The following PDE4B variants were observed in gnomAD, a reference collection of about 807,000 sequenced individuals.
The protein encoded by PDE4B is phosphodiesterase 4B.
Under a neutral mutation model 82.2 loss-of-function variants are expected in PDE4B, and 20 were observed. The observed-to-expected ratio is 0.24, with a 90% confidence interval of 0.17 to 0.35. The LOEUF (loss-of-function observed/expected upper bound fraction) is 0.35, where lower values mean the gene tolerates loss of function less well. Among genes scored for constraint, PDE4B ranks in the 10% least tolerant of loss-of-function variants. PDE4B has a pLI of 1.00. For missense variants in PDE4B, 655 were observed against 907.2 expected, an observed-to-expected ratio of 0.72 and a Z score of 3.57; for synonymous variants, 320 against 318.9, an observed-to-expected ratio of 1.00 and a Z score of -0.04.
intron 1 of PDE4B, among the ~76,000 whole-genome samples, chr1:65,847,027 T>C (rs972015974): frequency 6.6e-6 from 1 of 152,226 alleles, no homozygotes; most frequent in Non-Finnish European, 1.5e-5. Flanking sequence ...ACATTATCTG[T>C]TGTAGATTTA....
At chr1:65,907,028 G>A (rs1250879968) in intron 1 of PDE4B, among the ~76,000 whole-genome samples, 1 of 152,072 alleles carries the variant, frequency 6.6e-6, no homozygotes, top group Non-Finnish European at 1.5e-5. Flanking sequence ...TTCTCTCCAA[G>A]CAATGTTTGT....
chr1:66,099,634 A>G, intron 3 of PDE4B, among the ~76,000 whole-genome samples: 1 of 152,278 alleles, frequency 6.6e-6, no homozygotes, highest in African/African-American at 2.4e-5. Flanking sequence ...GATATTCAGT[A>G]AACTCTGATA....
chr1:66,149,567 A>G (rs1173541844), intron 3 of PDE4B, among the ~76,000 whole-genome samples: 2 of 152,176 alleles, frequency 1.3e-5, no homozygotes, highest in East Asian at 3.8e-4. Context: ...TTCTTCTGCA[A>G]CTTAAGGTTT....
At chr1:66,074,261 T>C (rs1019075558) in intron 3 of PDE4B, among the ~76,000 whole-genome samples, 7 of 152,148 alleles carry the variant, frequency 4.6e-5, no homozygotes, top group African/African-American at 1.7e-4. Context: ...AATTTAAGTA[T>C]TAATAATACC....
intron 3 of PDE4B, among the ~76,000 whole-genome samples, chr1:65,960,416 T>A (rs900222627): frequency 6.6e-6 from 1 of 152,094 alleles, no homozygotes; most frequent in African/African-American, 2.4e-5. Flanking sequence ...CTGAAATAGA[T>A]TGTCTGTGAT....
At chr1:65,925,611 T>A (rs1647456263) in intron 3 of PDE4B, among the ~76,000 whole-genome samples, 2 of 152,206 alleles carry the variant, frequency 1.3e-5, no homozygotes, top group Admixed American at 1.3e-4. Flanking sequence ...AATCACATAA[T>A]GTGTAATATT....
In PDE4B at chr1:65,913,337, T is replaced by G; in HGVS notation, c.23T>G (p.Met8Arg). Residue 8 changes from methionine (M) to arginine (R), a missense_variant, in exon 2 of 17, where the codon ATG becomes AGG. Met to Arg is a moderately conservative substitution (Grantham distance 91). This residue lies in a region of PDE4B where 253 missense variants were observed against 275.6 expected (regional missense o/e 0.92). Coordinates refer to ENST00000341517, the MANE Select transcript of PDE4B (RefSeq NM_002600.4). MKKSRSV[M>R]TVMADDNVKD... ...ATAATGAAGAAAAGCAGGAGTGTGA[T>G]GACGGTGATGGCTGATGATGTAAGT... is the stretch of plus-strand genomic sequence containing the variant. The G allele has an allele frequency of 1.2e-6, 2 of 1,613,774 alleles. No individual in the cohort carries two copies. Among genetic ancestry groups the G allele is most frequent in the Non-Finnish European group, 1.7e-6 (2 of 1,179,688 alleles).
At chr1:66,285,366 TA>T (rs1329961829) in intron 7 of PDE4B, among the ~76,000 whole-genome samples, 4 of 152,276 alleles carry the variant, frequency 2.6e-5, no homozygotes, top group Admixed American at 6.5e-5. Context: ...AAAATATATT[TA>T]GGGGGTACAA....
chr1:65,988,161 T>C (rs865804369), intron 3 of PDE4B, among the ~76,000 whole-genome samples: 1 of 152,232 alleles, frequency 6.6e-6, no homozygotes, highest in Non-Finnish European at 1.5e-5. Context: ...CTTACTGCCA[T>C]ATATGGCACT....
chr1:65,896,782 A>G (rs1478859018), intron 1 of PDE4B, among the ~76,000 whole-genome samples: 1 of 152,142 alleles, frequency 6.6e-6, no homozygotes, highest in Admixed American at 6.6e-5. Context: ...TTTTGTGGTG[A>G]TTGTAATGTT....
At chr1:66,135,963 A>G (rs1646047355) in intron 3 of PDE4B, among the ~76,000 whole-genome samples, 1 of 152,198 alleles carries the variant, frequency 6.6e-6, no homozygotes, top group African/African-American at 2.4e-5. Context: ...TACCAATGTA[A>G]TCTGGTATTG....
chr1:65,927,828 C>G (rs1229597429), intron 3 of PDE4B, among the ~76,000 whole-genome samples: 2 of 152,098 alleles, frequency 1.3e-5, no homozygotes, highest in African/African-American at 4.8e-5. Flanking sequence ...AGTCAGGGAG[C>G]CAATGTGGGG....
chr1:65,999,026 A>G (rs557963054), intron 3 of PDE4B, among the ~76,000 whole-genome samples: 2 of 152,252 alleles, frequency 1.3e-5, no homozygotes, highest in African/African-American at 4.8e-5. Flanking sequence ...AGTGTCATCA[A>G]GTCTTCAATA....
At chr1:65,806,728 T>C (rs997720203) in intron 1 of PDE4B, among the ~76,000 whole-genome samples, 2 of 152,190 alleles carry the variant, frequency 1.3e-5, no homozygotes, top group Admixed American at 6.5e-5. Flanking sequence ...ACTGATCCTA[T>C]CTCTTCATTA....
chr1:66,253,494 C>A (rs943107169), intron 4 of PDE4B, among the ~76,000 whole-genome samples: 1 of 152,144 alleles, frequency 6.6e-6, no homozygotes, highest in Non-Finnish European at 1.5e-5. Context: ...AATGTGCTGG[C>A]TTTGTCACTA....
chr1:66,038,534 G>A (rs1654185025), intron 3 of PDE4B, among the ~76,000 whole-genome samples: 1 of 151,266 alleles, frequency 6.6e-6, no homozygotes, highest in Admixed American at 6.6e-5. Context: ...CAGTACCTAG[G>A]GAATAGTAGA....
intron 1 of PDE4B, among the ~76,000 whole-genome samples, chr1:65,814,164 C>A (rs182507128): frequency 1.6e-4 from 24 of 152,274 alleles, no homozygotes; most frequent in African/African-American, 5.3e-4. Context: ...CAAAGCCTTG[C>A]CCGAGGCAGC....
chr1:66,352,474 T>C (rs1570754107), intron 8 of PDE4B, among the ~76,000 whole-genome samples: 1 of 152,232 alleles, frequency 6.6e-6, no homozygotes, highest in Non-Finnish European at 1.5e-5. Context: ...AACAGGGTCC[T>C]GTGGCAATGG....
intron 7 of PDE4B, among the ~76,000 whole-genome samples, chr1:66,318,230 A>G (rs1481402055): frequency 1.3e-5 from 2 of 152,224 alleles, no homozygotes; most frequent in African/African-American, 4.8e-5. Flanking sequence ...AACTTTGGGC[A>G]GATTATGTAA....
Sources: allele counts gnomAD v4.1 joint callset (sites outside exome capture counted in the v4.1 genomes callset), GRCh38; gene constraint gnomAD v4.1.1; regional missense constraint gnomAD v4.1.1; transcripts MANE v1.5; gene names NCBI Gene and HGNC (gene_info 2026-07-23, HGNC 2026-07-21).